Variants in EYS observed in about 807,000 individuals in gnomAD.
The protein encoded by EYS is EGF-like photoreceptor maintenance factor, also known as protein eyes shut homolog.
A neutral mutation model predicts 282.1 loss-of-function variants in EYS; 250 were observed. The observed-to-expected ratio is 0.89, with a 90% CI of 0.80 to 0.98. The LOEUF (loss-of-function observed/expected upper bound fraction) is 0.98. Ranked by LOEUF, EYS falls within the 50% of genes least tolerant of loss-of-function variation. The pLI is 0.00. For missense variants in EYS, 4,016 were observed against 3,709.0 expected (o/e 1.08, Z -2.15); for synonymous variants, 1,355 against 1,282.9 (o/e 1.06, Z -1.20).
At chr6:64,823,951 T>A (rs993695033) in intron 19 of EYS, among the ~76,000 whole-genome samples, 6 of 151,910 alleles carry the variant, frequency 3.9e-5, no homozygotes, top group African/African-American at 1.4e-4. Context: ...CTTATTACAG[T>A]GAAGAAGACA....
At chr6:65,166,300 A>C (rs1321390111) in intron 12 of EYS, among the ~76,000 whole-genome samples, 5 of 151,148 alleles carry the variant, frequency 3.3e-5, no homozygotes, top group Non-Finnish European at 4.5e-5. Flanking sequence ...TAGATGATCA[A>C]ATTTGGAAGA....
chr6:64,245,958 G>C (rs1197696049), intron 30 of EYS, among the ~76,000 whole-genome samples: 2 of 130,918 alleles, frequency 1.5e-5, no homozygotes, highest in African/African-American at 5.7e-5. Context: ...GGCGGAGCTT[G>C]CAGTGAGTCG....
intron 5 of EYS, among the ~76,000 whole-genome samples, chr6:65,444,815 A>G (rs1230972900): frequency 6.6e-6 from 1 of 152,108 alleles, no homozygotes; most frequent in Non-Finnish European, 1.5e-5. Flanking sequence ...GTAATGAACT[A>G]TATCAACTAT....
intron 31 of EYS, among the ~76,000 whole-genome samples, chr6:64,178,859 T>C (rs1010167027): frequency 6.6e-6 from 1 of 152,030 alleles, no homozygotes; most frequent in South Asian, 2.1e-4. Flanking sequence ...AGACCTAAAT[T>C]TATAAACCAA....
chr6:64,961,258 A>G (rs1388983787), intron 14 of EYS, among the ~76,000 whole-genome samples: 2 of 152,148 alleles, frequency 1.3e-5, no homozygotes, highest in East Asian at 3.9e-4. Flanking sequence ...GAACTAATTG[A>G]CTTTGATTAT....
chr6:64,405,043 G>A (rs1020579395), intron 28 of EYS, among the ~76,000 whole-genome samples: 8 of 152,028 alleles, frequency 5.3e-5, no homozygotes, highest in East Asian at 3.9e-4. Flanking sequence ...TGTTACATAC[G>A]TAAACGTATG....
chr6:63,847,436 CCT>C (rs1450242954), intron 36 of EYS, among the ~76,000 whole-genome samples: 2 of 152,198 alleles, frequency 1.3e-5, no homozygotes, highest in Middle Eastern at 3.4e-3. Context: ...CTTGCCATCC[CCT>C]CTGTTTGCTC....
At chr6:64,235,951 G>C (rs1025856753) in intron 30 of EYS, among the ~76,000 whole-genome samples, 3 of 152,110 alleles carry the variant, frequency 2.0e-5, no homozygotes, top group Admixed American at 6.6e-5. Context: ...GGAAAAGAGG[G>C]AATCCTCCCT....
At chr6:65,257,836 C>G (rs1039117765) in intron 12 of EYS, among the ~76,000 whole-genome samples, 2 of 151,610 alleles carry the variant, frequency 1.3e-5, no homozygotes, top group African/African-American at 2.4e-5. Flanking sequence ...ATGATGGTTA[C>G]TAGAGGCTGG....
At chr6:64,085,315 C>CGCGCGCGCGT (rs1772108240) in intron 31 of EYS, among the ~76,000 whole-genome samples, 1 of 137,818 alleles carries the variant, frequency 7.3e-6, no homozygotes, top group Non-Finnish European at 1.5e-5. Flanking sequence ...TCCTTCCAGA[C>CGCGCGCGCGT]GCGCGCGCGT....
At chr6:65,627,264 T>A (rs866623260) in intron 2 of EYS, among the ~76,000 whole-genome samples, 3 of 152,328 alleles carry the variant, frequency 2.0e-5, no homozygotes, top group Middle Eastern at 6.8e-3. Flanking sequence ...AGAGAAAATA[T>A]CCCAGTGAAC....
intron 35 of EYS, among the ~76,000 whole-genome samples, chr6:63,968,389 TCA>T (rs1173701313): frequency 1.3e-5 from 2 of 152,114 alleles, no homozygotes; most frequent in African/African-American, 4.8e-5. Flanking sequence ...AACAAAAGAA[TCA>T]CAGCTGGATT....
At chr6:65,165,151 T>A (rs1298410601) in intron 12 of EYS, among the ~76,000 whole-genome samples, 2 of 151,296 alleles carry the variant, frequency 1.3e-5, no homozygotes, top group Non-Finnish European at 3.0e-5. Flanking sequence ...ACACAGTTCA[T>A]GCAAGTATGT....
intron 12 of EYS, among the ~76,000 whole-genome samples, chr6:65,094,415 A>G (rs1774676630): frequency 6.6e-6 from 1 of 151,242 alleles, no homozygotes; most frequent in Non-Finnish European, 1.5e-5. Flanking sequence ...CAATAGCAGC[A>G]GGATAAACAT....
chr6:64,434,495 A>G (rs553967497), intron 28 of EYS, among the ~76,000 whole-genome samples: 1 of 152,152 alleles, frequency 6.6e-6, no homozygotes, highest in South Asian at 2.1e-4. Context: ...TTTACTGGAC[A>G]CATCATTTAT....
At chr6:64,124,009 A>T (rs1773679422) in intron 31 of EYS, among the ~76,000 whole-genome samples, 1 of 152,210 alleles carries the variant, frequency 6.6e-6, no homozygotes, top group Non-Finnish European at 1.5e-5. Flanking sequence ...AAGGCGAAGC[A>T]TCCAAACCAG....
chr6:65,223,468 C>A (rs941133503), intron 12 of EYS, among the ~76,000 whole-genome samples: 6 of 152,172 alleles, frequency 3.9e-5, no homozygotes, highest in Non-Finnish European at 5.9e-5. Context: ...CTTCCAGTCT[C>A]TAACTTAGTG....
chr6:63,955,570 A>G (rs1239500160), intron 35 of EYS, among the ~76,000 whole-genome samples: 1 of 152,246 alleles, frequency 6.6e-6, no homozygotes, highest in East Asian at 1.9e-4. Context: ...ATCCTTCTTT[A>G]ACAAACAATT....
intron 29 of EYS, among the ~76,000 whole-genome samples, chr6:64,325,887 T>C (rs1770401076): frequency 6.6e-6 from 1 of 151,830 alleles, no homozygotes; most frequent in Non-Finnish European, 1.5e-5. Context: ...ACATGAAAAG[T>C]CTCCAAAAAG....
Sources: allele counts gnomAD v4.1 joint callset (sites outside exome capture counted in the v4.1 genomes callset), GRCh38; gene constraint gnomAD v4.1.1; transcripts MANE v1.5; gene names NCBI Gene and HGNC (gene_info 2026-07-23, HGNC 2026-07-21).